The following IL1RAPL2 variants were observed in gnomAD, a reference collection of about 807,000 sequenced individuals.
IL1RAPL2 encodes the protein X-linked interleukin-1 receptor accessory protein-like 2.
A neutral mutation model predicts 44.1 loss-of-function variants in IL1RAPL2; 3 were observed. That is an observed-to-expected ratio of 0.07 (90% confidence interval 0.03 to 0.18). IL1RAPL2 has a LOEUF of 0.18. Among genes scored for constraint, IL1RAPL2 ranks in the 10% least tolerant of loss-of-function variants. The pLI is 1.00. For missense variants in IL1RAPL2, 391 were observed against 496.4 expected, an observed-to-expected ratio of 0.79 and a Z score of 2.02; for synonymous variants, 181 against 178.8, an observed-to-expected ratio of 1.01 and a Z score of -0.10.
intron 6 of IL1RAPL2, among the ~76,000 whole-genome samples, chrX:105,539,296 G>A (rs1434005856): frequency 9.0e-6 from 1 of 111,520 alleles, no homozygotes; most frequent in Admixed American, 9.5e-5. Flanking sequence ...TATGGCTACA[G>A]TAACAAAAAT....
At chrX:105,759,841 A>G (rs2038672065) in intron 10 of IL1RAPL2, among the ~76,000 whole-genome samples, 1 of 112,108 alleles carries the variant, frequency 8.9e-6, no homozygotes, top group Non-Finnish European at 1.9e-5. Context: ...ATTTTTGTAC[A>G]TGGATCTGTA....
chrX:104,717,361 C>T (rs1018561754), intron 2 of IL1RAPL2, among the ~76,000 whole-genome samples: 3 of 107,378 alleles, frequency 2.8e-5, no homozygotes, highest in Non-Finnish European at 5.8e-5. Context: ...TATAGCAAAC[C>T]CTGTATTACT....
At chrX:105,251,245 A>G (rs1054098867) in intron 4 of IL1RAPL2, among the ~76,000 whole-genome samples, 3 of 110,078 alleles carry the variant, frequency 2.7e-5, no homozygotes, top group African/African-American at 9.8e-5. Flanking sequence ...AAAAAATGTC[A>G]TTAGAAACCT....
chrX:104,692,596 G>A (rs1412997681), intron 2 of IL1RAPL2, among the ~76,000 whole-genome samples: 1 of 109,175 alleles, frequency 9.2e-6, no homozygotes, highest in African/African-American at 3.3e-5. Context: ...GTGAGAATAT[G>A]CGGGTTTCTG....
intron 1 of IL1RAPL2, among the ~76,000 whole-genome samples, chrX:104,583,496 A>C (rs926937880): frequency 2.7e-5 from 3 of 112,027 alleles, no homozygotes; most frequent in Non-Finnish European, 5.6e-5. Flanking sequence ...GGAATCATAC[A>C]CTATGTGGCA....
intron 2 of IL1RAPL2, among the ~76,000 whole-genome samples, chrX:105,011,150 C>G (rs1364900228): frequency 9.0e-6 from 1 of 110,793 alleles, no homozygotes; most frequent in South Asian, 3.8e-4. Flanking sequence ...AGCCTGCTTC[C>G]TCATATGTAA....
chrX:105,529,815 A>C lies in IL1RAPL2; in HGVS notation c.772+45428A>C, dbSNP rs147715409. Among the ~76,000 whole-genome samples, 846 of 111,623 alleles carry C rather than the reference A, an allele frequency of 7.6e-3. 14 individuals carry two copies. The highest frequency in any genetic ancestry group is 0.026 in the African/African-American group (804 of 30,796). On this transcript the variant is annotated intron_variant, in intron 6 of 10. Transcript: ENST00000372582. ...ACAATTCTAGATATGGAACCATACA[A>C]CATGTCCTTTTGTGGCTGATTTTAC...
intron 6 of IL1RAPL2, among the ~76,000 whole-genome samples, chrX:105,584,083 T>A (rs911049423): frequency 1.5e-4 from 17 of 111,959 alleles, no homozygotes; most frequent in Non-Finnish European, 2.6e-4. Flanking sequence ...GTGCTGCTGT[T>A]GTGTGGAGAA....
intron 6 of IL1RAPL2, among the ~76,000 whole-genome samples, chrX:105,623,758 A>G (rs2037435677): frequency 8.9e-6 from 1 of 111,755 alleles, no homozygotes; most frequent in African/African-American, 3.3e-5. Flanking sequence ...ACTGCTAAAA[A>G]TTAGGCATGG....
intron 2 of IL1RAPL2, among the ~76,000 whole-genome samples, chrX:105,094,867 T>C (rs1466990927): frequency 9.0e-6 from 1 of 111,681 alleles, no homozygotes; most frequent in Non-Finnish European, 1.9e-5. Context: ...GGTAATGTTT[T>C]ACAGTACTTA....
At chrX:105,252,330 T>C (rs1017433332) in intron 4 of IL1RAPL2, among the ~76,000 whole-genome samples, 3 of 111,940 alleles carry the variant, frequency 2.7e-5, no homozygotes, top group Non-Finnish European at 5.7e-5. Context: ...CATTCACTAA[T>C]TGATGACCAT....
intron 6 of IL1RAPL2, among the ~76,000 whole-genome samples, chrX:105,502,656 A>G (rs769562097): frequency 4.4e-4 from 49 of 111,254 alleles, no homozygotes; most frequent in Non-Finnish European, 8.1e-4. Context: ...AACCTTTTTC[A>G]TAGGAATTAC....
rs2033935703 is a variant in IL1RAPL2 at position 105,220,028 on chromosome X, C to T, written c.357-13790C>T. The T allele has an allele frequency of 8.3e-7, 1 of 1,210,020 alleles. No individual in the cohort carries two copies. The highest frequency in any genetic ancestry group is 1.7e-5 in the African/African-American group (1 of 57,493). ...GCCATTCTTAGCCGGGAGGCCGCCTCCTTGCGTTCCGTCTCCTGCTGCTCC... is the reference window on the plus strand; with the variant it reads ...GCCATTCTTAGCCGGGAGGCCGCCTTCTTGCGTTCCGTCTCCTGCTGCTCC... On this transcript the variant is annotated intron_variant, in intron 3 of 10. Transcript: ENST00000372582.
At chrX:105,553,174 G>C (rs1411474778) in intron 6 of IL1RAPL2, among the ~76,000 whole-genome samples, 1 of 111,818 alleles carries the variant, frequency 8.9e-6, no homozygotes, top group African/African-American at 3.3e-5. Context: ...ACCATAGTGG[G>C]GTGGTTGTAA....
intron 6 of IL1RAPL2, among the ~76,000 whole-genome samples, chrX:105,595,585 T>C (rs2037202478): frequency 9.1e-6 from 1 of 110,151 alleles, no homozygotes; most frequent in Non-Finnish European, 1.9e-5. Flanking sequence ...TATTGGCCTG[T>C]AGTGTTTTTT....
chrX:105,578,647 A>T (rs2037067899), intron 6 of IL1RAPL2, among the ~76,000 whole-genome samples: 1 of 110,953 alleles, frequency 9.0e-6, no homozygotes, highest in Non-Finnish European at 1.9e-5. Context: ...CACCACTAAT[A>T]ATTACAAAGG....
At chrX:105,048,442 TAAAAC>T (rs2031871863) in intron 2 of IL1RAPL2, among the ~76,000 whole-genome samples, 1 of 111,769 alleles carries the variant, frequency 8.9e-6, no homozygotes, top group Non-Finnish European at 1.9e-5. Flanking sequence ...AAATATAAAA[TAAAAC>T]AAGTAAAATG....
At chrX:105,269,098 G>A (rs1342539291) in intron 5 of IL1RAPL2, among the ~76,000 whole-genome samples, 1 of 111,066 alleles carries the variant, frequency 9.0e-6, no homozygotes, top group East Asian at 2.8e-4. Context: ...ATGTACTTGG[G>A]CATTACTTGT....
At chrX:104,904,459 C>A (rs1177433103) in intron 2 of IL1RAPL2, among the ~76,000 whole-genome samples, 1 of 71,944 alleles carries the variant, frequency 1.4e-5, no homozygotes, top group Admixed American at 1.8e-4. Flanking sequence ...CCCCTCCCCC[C>A]ACCCCACAAC....
Sources: allele counts gnomAD v4.1 joint callset (sites outside exome capture counted in the v4.1 genomes callset), GRCh38; gene constraint gnomAD v4.1.1; transcripts MANE v1.5; gene names NCBI Gene and HGNC (gene_info 2026-07-23, HGNC 2026-07-21).